The following ROBO2 variants were observed in gnomAD, a reference collection of about 807,000 sequenced individuals.
ROBO2 encodes roundabout homolog 2.
Under a neutral mutation model 160.8 loss-of-function variants are expected in ROBO2, and 53 were observed. The ratio of observed to expected loss-of-function variants is 0.33; its 90% CI spans 0.26 to 0.41. The LOEUF (loss-of-function observed/expected upper bound fraction) is 0.41. Ranked by LOEUF, ROBO2 falls within the 10% of genes least tolerant of loss-of-function variation. The pLI, the probability that ROBO2 is intolerant of heterozygous loss-of-function variation, is 1.00. For missense variants in ROBO2, 1,577 were observed against 1,722.4 expected, an observed-to-expected ratio of 0.92 and a Z score of 1.49; for synonymous variants, 664 against 611.7, an observed-to-expected ratio of 1.09 and a Z score of -1.26.
chr3:76,436,180 A>ACACACACACACACACACACACACC (rs1156673465), intron 2 of ROBO2, among the ~76,000 whole-genome samples: 16 of 150,890 alleles, frequency 1.1e-4, no homozygotes, highest in South Asian at 2.1e-4. Flanking sequence ...ACACACACAC[A>ACACACACACACACACACACACACC]CCATTTCTTT....
intron 1 of ROBO2, among the ~76,000 whole-genome samples, chr3:75,932,365 C>T (rs182850306): frequency 6.6e-6 from 1 of 152,210 alleles, no homozygotes; most frequent in African/African-American, 2.4e-5. Flanking sequence ...TTATTTCATT[C>T]AGATCAGAAA....
At position 76,249,986 on chromosome 3, in the gene ROBO2, A is replaced by G. The variant is rs149362874; in HGVS notation, c.109+312384A>G. 2.2e-4 allele frequency among the ~76,000 whole-genome samples: 33 copies of G among 152,250 alleles called. No homozygotes were observed. The East Asian group carries it at 5.2e-3, about 24-fold the overall frequency. ...ATGTTAAGGTATGTTGTAAGTTTCC[A>G]ACAGTAAGATAAAGAAAATTTCCCA... On this transcript the variant is annotated intron_variant, in intron 2 of 26. Transcript: ENST00000487694.
At chr3:76,041,506 A>T (rs1459503251) in intron 2 of ROBO2, among the ~76,000 whole-genome samples, 3 of 152,028 alleles carry the variant, frequency 2.0e-5, no homozygotes, top group African/African-American at 7.3e-5. Context: ...CTGTATGTCA[A>T]ATGCATTATT....
chr3:77,327,984 G>A (rs2065594515), intron 2 of ROBO2, among the ~76,000 whole-genome samples: 1 of 147,316 alleles, frequency 6.8e-6, no homozygotes, highest in Non-Finnish European at 1.5e-5. Context: ...CTGGGAGACG[G>A]AGACAGAGGC....
At chr3:77,616,499 C>A (rs1319418928) in intron 21 of ROBO2, among the ~76,000 whole-genome samples, 1 of 151,662 alleles carries the variant, frequency 6.6e-6, no homozygotes, top group African/African-American at 2.4e-5. Flanking sequence ...ATGATGATAC[C>A]GGAAGAGTAG....
rs2068942285 is a variant in ROBO2, at chr3:77,083,745, C to T, written c.62-14269C>T. ...TAAACCCCACAACCGGGATTCTGAG[C>T]ATTAGGGACCTGGAGAAAGATGGAG... On this transcript the variant is annotated intron_variant, in intron 1 of 25. Transcript: ENST00000461745. Among the ~76,000 whole-genome samples the T allele has an allele frequency of 2.0e-5, 3 of 152,022 alleles. No homozygotes were observed. In the South Asian group the frequency reaches 6.2e-4, roughly 32 times the overall value.
intron 23 of ROBO2, chr3:77,631,880 ACTT>A (rs1283050576): frequency 6.6e-6 from 1 of 152,004 alleles, no homozygotes; most frequent in Non-Finnish European, 1.5e-5. Flanking sequence ...AATTAATAGA[ACTT>A]CTTTAAAATA....
chr3:77,030,579 G>A (rs73843448), intron 2 of ROBO2, among the ~76,000 whole-genome samples: 2,873 of 152,280 alleles, frequency 0.019, 83 homozygotes, highest in African/African-American at 0.064. Flanking sequence ...CAGTTATAAA[G>A]CCTAGACCTC....
At chr3:77,596,750 G>A in exon 19 of ROBO2, 1 of 1,613,090 alleles carries the variant, frequency 6.2e-7, no homozygotes, top group Non-Finnish European at 8.5e-7. Flanking sequence ...TGGCCGTGGA[G>A]GTAAGTTGTG....
intron 6 of ROBO2, among the ~76,000 whole-genome samples, chr3:77,529,122 T>A (rs2091429851): frequency 6.6e-6 from 1 of 151,284 alleles, no homozygotes; most frequent in Non-Finnish European, 1.5e-5. Context: ...GAAAGCATGT[T>A]ATTACATATA....
intron 2 of ROBO2, among the ~76,000 whole-genome samples, chr3:77,294,656 C>T (rs1483432837): frequency 1.7e-5 from 2 of 115,636 alleles, no homozygotes; most frequent in African/African-American, 3.4e-5. Context: ...TAGATCACCC[C>T]AGACATAAAG....
At chr3:77,366,153 A>T (rs993437130) in intron 2 of ROBO2, among the ~76,000 whole-genome samples, 3 of 152,164 alleles carry the variant, frequency 2.0e-5, no homozygotes, top group Non-Finnish European at 4.4e-5. Flanking sequence ...TCATCCATGC[A>T]TGGATCTTTA....
At chr3:76,897,960 T>G (rs1197934460) in intron 2 of ROBO2, among the ~76,000 whole-genome samples, 1 of 152,136 alleles carries the variant, frequency 6.6e-6, no homozygotes, top group Non-Finnish European at 1.5e-5. Context: ...GTTATACATT[T>G]GTTGTTAGTT....
chr3:76,547,187 T>G (rs1390430743), intron 2 of ROBO2, among the ~76,000 whole-genome samples: 2 of 152,054 alleles, frequency 1.3e-5, no homozygotes, highest in Non-Finnish European at 2.9e-5. Context: ...AAAGATGTTT[T>G]TAATAGCAAA....
intron 2 of ROBO2, among the ~76,000 whole-genome samples, chr3:76,065,130 T>C (rs1225874139): frequency 6.6e-6 from 1 of 152,140 alleles, no homozygotes. Flanking sequence ...ACGAAAAATT[T>C]GGAGCCCATA....
chr3:77,010,169 G>A (rs1033205384), intron 2 of ROBO2, among the ~76,000 whole-genome samples: 4 of 151,960 alleles, frequency 2.6e-5, no homozygotes, highest in African/African-American at 7.3e-5. Context: ...GAAACACGGA[G>A]GATTGCCCAT....
At chr3:76,921,785 A>G (rs2076677699) in intron 2 of ROBO2, among the ~76,000 whole-genome samples, 1 of 152,140 alleles carries the variant, frequency 6.6e-6, no homozygotes, top group African/African-American at 2.4e-5. Context: ...AGATAGCCAT[A>G]TTTCTGCCAT....
intron 2 of ROBO2, among the ~76,000 whole-genome samples, chr3:76,087,877 T>G (rs1601983): frequency 0.67 from 102,016 of 151,870 alleles, 35,476 homozygotes; most frequent in African/African-American, 0.86. Context: ...TGTAGGGCAA[T>G]CAATTTTAAT....
intron 1 of ROBO2, among the ~76,000 whole-genome samples, chr3:75,925,107 G>T (rs1041788947): frequency 1.3e-5 from 2 of 151,892 alleles, no homozygotes; most frequent in African/African-American, 2.4e-5. Flanking sequence ...AAACGGGCGG[G>T]GCCGGCTGGG....
Sources: gnomAD v4.1 joint callset for allele counts (sites outside exome capture counted in the v4.1 genomes callset) on GRCh38, gnomAD v4.1.1 for gene constraint, MANE v1.5 for transcripts, NCBI Gene and HGNC (gene_info 2026-07-23, HGNC 2026-07-21) for gene names.